SLC9A2: variants seen among roughly 807,000 people sequenced by gnomAD.
SLC9A2 encodes the protein sodium/hydrogen exchanger 2.
In SLC9A2, 42 loss-of-function variants were observed where a neutral mutation model predicts 71.7. That is an observed-to-expected ratio of 0.59 (90% CI 0.46 to 0.76). SLC9A2 has a LOEUF of 0.76. Among genes scored for constraint, SLC9A2 ranks in the 30% least tolerant of loss-of-function variants. SLC9A2 has a pLI of 0.00. For missense variants in SLC9A2, 829 were observed against 1,017.4 expected (o/e 0.81, Z 2.52); for synonymous variants, 396 against 392.5 (o/e 1.01, Z -0.10).
At chr2:102,695,984 G>C (rs1468937836) in intron 7 of SLC9A2, among the ~76,000 whole-genome samples, 5 of 151,438 alleles carry the variant, frequency 3.3e-5, no homozygotes, top group Admixed American at 2.6e-4. Flanking sequence ...AGGTAGACCA[G>C]ACAGGCAGAA....
Position 102,707,310 on chromosome 2 carries a change from T to A in SLC9A2, c.2069-809T>A, listed in dbSNP as rs549963448. The stretch of plus-strand genomic sequence containing the variant: ...CATTACCCCTCTTTTTTTATTTTTT[T>A]TTTTTTGCTTGTTTATTTAATTAAC... On this transcript the variant is annotated intron_variant, in intron 11 of 11. Transcript: ENST00000233969. Among the ~76,000 whole-genome samples, 144 of 151,776 alleles carry A rather than the reference T, an allele frequency of 9.5e-4. 1 individual carries two copies. Among genetic ancestry groups the A allele is most frequent in the East Asian group, 3.9e-3 (20 of 5,166 alleles).
At chr2:102,630,101 G>A (rs991936719) in intron 1 of SLC9A2, among the ~76,000 whole-genome samples, 7 of 151,968 alleles carry the variant, frequency 4.6e-5, no homozygotes, top group Non-Finnish European at 1.0e-4. Context: ...ATTCATATTT[G>A]GACTGTATTT....
At position 102,700,528 on chromosome 2, in the gene SLC9A2, G is replaced by T. The variant is rs1055534348; in HGVS notation, c.1587-542G>T. Among the ~76,000 whole-genome samples, 8 of 152,228 alleles carry T rather than the reference G, an allele frequency of 5.3e-5. No homozygotes were observed. The South Asian group carries it at 1.7e-3, about 32-fold the overall frequency. On this transcript the variant is annotated intron_variant, in intron 7 of 11. Transcript: ENST00000233969. ...CACAAGTGAGGGCAGGAAAGATGAG[G>T]ATTCATAATTGCCCACTGCAGTTAT...
chr2:102,630,779 T>C lies in SLC9A2; in HGVS notation c.289+10642T>C, dbSNP rs186661768. 4.5e-4 allele frequency among the ~76,000 whole-genome samples: 68 copies of C among 152,176 alleles called. No individual in the cohort carries two copies. The Middle Eastern group carries it at 0.014, about 30-fold the overall frequency. On this transcript the variant is annotated intron_variant, in intron 1 of 11. Coordinates refer to ENST00000233969, the MANE Select transcript of SLC9A2 (RefSeq NM_003048.6). ...CTTTTTCAAGTCTATTTGTGTTTTG[T>C]TCATGCTGTTGCATTACGTAATTAT...
rs116848689 is a variant in SLC9A2 at position 102,685,166 on chromosome 2, G to A, written c.1425+830G>A. Reference sequence around the variant, plus strand: ...TTTGAGCAAAGACATGCAGGAGGTGGAGGAATTAGCTAAGCCCAAGAACAT... The same window carrying A: ...TTTGAGCAAAGACATGCAGGAGGTGAAGGAATTAGCTAAGCCCAAGAACAT... On this transcript the variant is annotated intron_variant, in intron 5 of 11. Coordinates refer to ENST00000233969, the MANE Select transcript of SLC9A2 (RefSeq NM_003048.6). Among the ~76,000 whole-genome samples the A allele has an allele frequency of 2.0e-5, 3 of 152,352 alleles. No homozygotes were observed. In the East Asian group the frequency reaches 5.8e-4, roughly 29 times the overall value.
chr2:102,688,742 A>ACAAC (rs1398054039), intron 5 of SLC9A2, among the ~76,000 whole-genome samples: 1 of 152,170 alleles, frequency 6.6e-6, no homozygotes, highest in Non-Finnish European at 1.5e-5. Flanking sequence ...AAACAAACAA[A>ACAAC]CAAAAAAAGA....
At chr2:102,657,002 C>G (rs535145111) in intron 1 of SLC9A2, among the ~76,000 whole-genome samples, 1 of 152,026 alleles carries the variant, frequency 6.6e-6, no homozygotes, top group South Asian at 2.1e-4. Flanking sequence ...GTCAGAAGTT[C>G]GAGACCAGCC....
Position 102,657,641 on chromosome 2 carries a change from G to T in SLC9A2, c.367G>T (p.Gly123Trp). The change falls in exon 2 of 12, where the codon GGG becomes TGG. Residue 123 changes from glycine (G) to tryptophan (W), a missense_variant. Around this residue, in one of 3 missense-constraint regions of SLC9A2, gnomAD observed 500 missense variants for 726.3 expected, o/e 0.69. Transcript: ENST00000233969. ...TATAATGGTTGGACTTCTACTAGGT[G>T]GGATTATTTTTGGTGTTGATGAGAA... is the stretch of plus-strand genomic sequence containing the variant. The part of the protein sequence containing the change: ...LLIMVGLLLG[G>W]IIFGVDEKSP... 6.2e-7 allele frequency: 1 copy of T among 1,614,012 alleles called. No homozygotes were observed. Among genetic ancestry groups the T allele is most frequent in the East Asian group, 2.2e-5 (1 of 44,898 alleles).
At chr2:102,704,437 G>T in intron 9 of SLC9A2, 107 bp from the exon 10 acceptor site, 2 of 998,374 alleles carry the variant, frequency 2.0e-6, no homozygotes, top group Non-Finnish European at 3.0e-6. Flanking sequence ...TAAGTGCTTA[G>T]CTGAGGTGCA....
chr2:102,645,209 C>T (rs1186080148), intron 1 of SLC9A2, among the ~76,000 whole-genome samples: 2 of 152,164 alleles, frequency 1.3e-5, no homozygotes, highest in Non-Finnish European at 2.9e-5. Flanking sequence ...GCAGAGGGAC[C>T]TGACTGTTAG....
chr2:102,651,766 C>CT (rs1229414459), intron 1 of SLC9A2, among the ~76,000 whole-genome samples: 1 of 152,184 alleles, frequency 6.6e-6, no homozygotes, highest in African/African-American at 2.4e-5. Context: ...ACCCCAGCAC[C>CT]TGAGGTCTCA....
chr2:102,632,121 C>CATATATACACAT (rs1553423378), intron 1 of SLC9A2, among the ~76,000 whole-genome samples: 3 of 95,098 alleles, frequency 3.2e-5, no homozygotes, highest in African/African-American at 1.5e-4. Context: ...TGTATATATA[C>CATATATACACAT]ATATATACAT....
chr2:102,660,988 G>A (rs1000508803), intron 2 of SLC9A2, among the ~76,000 whole-genome samples: 1 of 152,142 alleles, frequency 6.6e-6, no homozygotes, highest in Non-Finnish European at 1.5e-5. Flanking sequence ...AAAAGCTGAA[G>A]CGAAGAAAAC....
intron 3 of SLC9A2, among the ~76,000 whole-genome samples, chr2:102,672,758 A>G (rs957557092): frequency 6.6e-6 from 1 of 152,204 alleles, no homozygotes; most frequent in Admixed American, 6.5e-5. Flanking sequence ...TGAGCAGCGT[A>G]CTTTAAAACA....
rs111560066 is a variant in SLC9A2 at position 102,682,093 on chromosome 2, T to G, written c.1005-1168T>G. On this transcript the variant is annotated intron_variant, in intron 3 of 11. Coordinates refer to ENST00000233969, the MANE Select transcript of SLC9A2 (RefSeq NM_003048.6). ...TGGAAACTTTGCAGATCATGACCAG[T>G]ATTCAGCTTATGGCATGGTTACCAC... 1.4e-3 allele frequency among the ~76,000 whole-genome samples: 210 copies of G among 152,256 alleles called. 1 individual carries two copies. Among genetic ancestry groups the G allele is most frequent in the Non-Finnish European group, 1.6e-3 (111 of 68,008 alleles).
At chr2:102,641,988 G>C (rs983910087) in intron 1 of SLC9A2, among the ~76,000 whole-genome samples, 2 of 151,696 alleles carry the variant, frequency 1.3e-5, no homozygotes, top group African/African-American at 4.8e-5. Flanking sequence ...CATGGCACAT[G>C]TATAGCTATG....
At chr2:102,664,880 A>G (rs1363582395) in intron 2 of SLC9A2, among the ~76,000 whole-genome samples, 1 of 152,220 alleles carries the variant, frequency 6.6e-6, no homozygotes, top group African/African-American at 2.4e-5. Flanking sequence ...TTTTAGAAAT[A>G]AATTCCCTGA....
chr2:102,692,959 A>T (rs1288731610), intron 5 of SLC9A2, among the ~76,000 whole-genome samples: 3 of 151,908 alleles, frequency 2.0e-5, no homozygotes, highest in Admixed American at 2.0e-4. Flanking sequence ...TAGTATATCT[A>T]TGCATATTTA....
chr2:102,699,185 A>T (rs1677824644), intron 7 of SLC9A2, among the ~76,000 whole-genome samples: 1 of 152,176 alleles, frequency 6.6e-6, no homozygotes, highest in South Asian at 2.1e-4. Flanking sequence ...TGAGAAAATG[A>T]TTGTCAAGGA....
Sources: allele counts gnomAD v4.1 joint callset (sites outside exome capture counted in the v4.1 genomes callset), GRCh38; gene constraint gnomAD v4.1.1; regional missense constraint gnomAD v4.1.1; transcripts MANE v1.5; gene names NCBI Gene and HGNC (gene_info 2026-07-23, HGNC 2026-07-21).